Variants in DYNC2H1 observed in about 807,000 individuals in gnomAD.
DYNC2H1 encodes dynein cytoplasmic 2 heavy chain 1.
DYNC2H1 carries 410 observed loss-of-function variants against 570.0 expected under a neutral mutation model. The ratio of observed to expected loss-of-function variants is 0.72; its 90% CI spans 0.66 to 0.78. DYNC2H1 has a LOEUF of 0.78. Among genes scored for constraint, DYNC2H1 ranks in the 30% least tolerant of loss-of-function variants. DYNC2H1 has a pLI of 0.00. For missense variants in DYNC2H1, 4,865 were observed against 5,046.4 expected (o/e 0.96, Z 1.09); for synonymous variants, 1,688 against 1,677.6 (o/e 1.01, Z -0.15).
At chr11:103,429,572 TTGTC>T (rs1173700698) in intron 84 of DYNC2H1, among the ~76,000 whole-genome samples, 18 of 152,212 alleles carry the variant, frequency 1.2e-4, no homozygotes, top group Admixed American at 2.6e-4. Flanking sequence ...AAATTACTCA[TTGTC>T]TGTGTTGTAC....
At chr11:103,405,743 C>T (rs567956415) in intron 84 of DYNC2H1, 52 of 152,046 alleles carry the variant, frequency 3.4e-4, no homozygotes, top group African/African-American at 1.1e-3. Context: ...AGGCTTAAGG[C>T]GGTGCCCCCT....
In DYNC2H1 at chr11:103,198,715, G is replaced by A. The variant is rs147678725; in HGVS notation, c.7840-513G>A. On this transcript the variant is annotated intron_variant, in intron 48 of 88. Transcript: ENST00000375735. ...TGAAGCGTTGAAAGTTGTTAAATAT[G>A]TAAAGTCTAATTTTCCTTTCTCCCT... Among the ~76,000 whole-genome samples the A allele has an allele frequency of 4.5e-3, 687 of 152,248 alleles. 6 individuals carry two copies. Among genetic ancestry groups the A allele is most frequent in the Middle Eastern group, 0.017 (5 of 294 alleles).
chr11:103,300,047 T>C (rs1045098809), intron 75 of DYNC2H1, among the ~76,000 whole-genome samples: 2 of 152,070 alleles, frequency 1.3e-5, no homozygotes, highest in African/African-American at 4.8e-5. Context: ...TTTATACATC[T>C]GATACTTATC....
At chr11:103,272,342 G>A (rs61898181) in intron 70 of DYNC2H1, among the ~76,000 whole-genome samples, 18 of 152,000 alleles carry the variant, frequency 1.2e-4, no homozygotes, top group Non-Finnish European at 2.4e-4. Flanking sequence ...CAAACACTGC[G>A]TGTTCTCACT....
intron 6 of DYNC2H1, 125 bp downstream of exon 6, chr11:103,117,988 G>A: frequency 1.3e-6 from 1 of 758,624 alleles, no homozygotes; most frequent in Non-Finnish European, 1.9e-6. Context: ...GAGAGAATAG[G>A]AATTAAAGTT....
rs964334183 is a variant in DYNC2H1 at position 103,239,292 on chromosome 11, GAATAT to G, written c.9819+2756_9819+2760del. ...GCAAACTAATGTGATACTAGTCTAA[GAATAT>G]AAAATTATAATGGTAAATTTACAAC... is the stretch of plus-strand genomic sequence containing the variant. On this transcript the variant is annotated intron_variant, in intron 63 of 88. Coordinates refer to ENST00000375735, the MANE Select transcript of DYNC2H1 (RefSeq NM_001377.3). The surrounding 1 kb of genome is among the most constrained non-coding windows in gnomAD (Gnocchi z 4.3). Among the ~76,000 whole-genome samples the G allele has an allele frequency of 2.5e-4, 38 of 152,074 alleles. No homozygotes were observed. Among genetic ancestry groups the G allele is most frequent in the Non-Finnish European group, 4.7e-4 (32 of 67,982 alleles).
chr11:103,153,988 G>A (rs1033347320), intron 22 of DYNC2H1, among the ~76,000 whole-genome samples: 2 of 151,830 alleles, frequency 1.3e-5, no homozygotes, highest in African/African-American at 4.8e-5. Flanking sequence ...AATGAGTGGA[G>A]TGAGTCAATT....
Position 103,245,883 on chromosome 11 carries a change from A to G in DYNC2H1, c.10042+509A>G, listed in dbSNP as rs1460004207. ...ATTAGAAGGCTATGCCTTGAAACTTAAAGAGCATATCATGCAAAGTGTATA... is the reference window on the plus strand; with the variant it reads ...ATTAGAAGGCTATGCCTTGAAACTTGAAGAGCATATCATGCAAAGTGTATA... On this transcript the variant is annotated intron_variant, in intron 65 of 88. Transcript: ENST00000375735. The surrounding 1 kb of genome is among the most constrained non-coding windows in gnomAD (Gnocchi z 4.5). Among the ~76,000 whole-genome samples, 1 of 152,126 alleles carries G rather than the reference A, an allele frequency of 6.6e-6. No homozygotes were observed. The highest frequency in any genetic ancestry group is 2.4e-5 in the African/African-American group (1 of 41,452).
chr11:103,125,480 A>C (rs1356452646), intron 12 of DYNC2H1, among the ~76,000 whole-genome samples, 185 bp downstream of exon 12: 2 of 151,830 alleles, frequency 1.3e-5, no homozygotes, highest in African/African-American at 4.8e-5. Flanking sequence ...AATTTATTAA[A>C]TTATTATTGT....
At chr11:103,236,848 T>G (rs985976000) in intron 63 of DYNC2H1, among the ~76,000 whole-genome samples, 2 of 151,976 alleles carry the variant, frequency 1.3e-5, no homozygotes, top group East Asian at 3.8e-4. Flanking sequence ...AGTTTCTTCA[T>G]GAGTACAGAC....
intron 75 of DYNC2H1, among the ~76,000 whole-genome samples, chr11:103,296,674 TTTCTTC>T: frequency 6.6e-6 from 1 of 152,284 alleles, no homozygotes; most frequent in Non-Finnish European, 1.5e-5. Flanking sequence ...CATTTGCTGT[TTTCTTC>T]TTCATTTCTG....
chr11:103,277,331 G>C lies in DYNC2H1; in HGVS notation c.10696-3017G>C, dbSNP rs1277312800. On this transcript the variant is annotated intron_variant, in intron 70 of 88. Transcript: ENST00000375735. This position sits in a 1 kb window ranked among gnomAD's most constrained non-coding sequence, Gnocchi z 4.3. ...ATTTTAATGTGGGTAATTTCCTTCG[G>C]TTTTTCTTTCATTTTACTTATATTT... Among the ~76,000 whole-genome samples the C allele has an allele frequency of 6.6e-6, 1 of 151,656 alleles. No individual in the cohort carries two copies. Among genetic ancestry groups the C allele is most frequent in the African/African-American group, 2.4e-5 (1 of 41,274 alleles).
intron 50 of DYNC2H1, 139 bp downstream of exon 50, chr11:103,200,293 G>A: frequency 1.7e-6 from 1 of 591,540 alleles, no homozygotes; most frequent in Non-Finnish European, 2.9e-6. Flanking sequence ...TGTTAAACAT[G>A]CTCATGGCAG....
rs934330079 is a variant in DYNC2H1 at position 103,157,247 on chromosome 11, G to A, written c.4127+477G>A. 2.0e-5 allele frequency among the ~76,000 whole-genome samples: 3 copies of A among 152,082 alleles called. No individual in the cohort carries two copies. Among genetic ancestry groups the A allele is most frequent in the Non-Finnish European group, 2.9e-5 (2 of 67,988 alleles). On this transcript the variant is annotated intron_variant, in intron 26 of 88. Transcript: ENST00000375735. The surrounding 1 kb of genome is among the most constrained non-coding windows in gnomAD (Gnocchi z 4.2). ...AGTCATTCTCCAGGCCTCAGCCTTC[G>A]ATTTTTTTCTCACTGTATTCTCAGG...
intron 25 of DYNC2H1, 80 bp downstream of exon 25, chr11:103,155,581 A>G: frequency 9.5e-6 from 13 of 1,373,598 alleles, no homozygotes; most frequent in Non-Finnish European, 1.2e-5. Flanking sequence ...GTTTAAATAC[A>G]AAAAAAGTCT....
At chr11:103,298,384 T>A (rs896965175) in intron 75 of DYNC2H1, among the ~76,000 whole-genome samples, 2 of 152,138 alleles carry the variant, frequency 1.3e-5, no homozygotes, top group Non-Finnish European at 2.9e-5. Flanking sequence ...TTGTGCCACA[T>A]GGCACATAAC....
At chr11:103,449,687 A>C (rs930604939) in intron 85 of DYNC2H1, among the ~76,000 whole-genome samples, 1 of 130,370 alleles carries the variant, frequency 7.7e-6, no homozygotes, top group Non-Finnish European at 1.6e-5. Flanking sequence ...ATTCTTAATT[A>C]GAATATTGTT....
At chr11:103,340,111 A>G (rs1030762084) in intron 82 of DYNC2H1, among the ~76,000 whole-genome samples, 2 of 152,124 alleles carry the variant, frequency 1.3e-5, no homozygotes, top group African/African-American at 4.8e-5. Flanking sequence ...CTTTGTTATT[A>G]TGTTAAAGTT....
chr11:103,117,775 A>G lies in DYNC2H1; in HGVS notation c.911A>G (p.Gln304Arg). 6.2e-7 allele frequency: 1 copy of G among 1,613,436 alleles called. No individual in the cohort carries two copies. The highest frequency in any genetic ancestry group is 1.1e-5 in the South Asian group (1 of 91,032). The change falls in exon 6 of 89, where the codon CAG (glutamine) becomes CGG (arginine). Residue 304 changes from glutamine (Q) to arginine (R), a missense_variant. Physicochemically the swap from Gln to Arg is conservative, Grantham distance 43. This residue lies in a region of DYNC2H1 where 1,936 missense variants were observed against 1,962.1 expected (regional missense o/e 0.99). Coordinates refer to ENST00000375735, the MANE Select transcript of DYNC2H1 (RefSeq NM_001377.3). Reference protein sequence around the residue: ...WVIVCNHLTGQVWQRYVPHPW... With the variant: ...WVIVCNHLTGRVWQRYVPHPW... ...ATAGTCTGTAATCATCTAACAGGTC[A>G]GGTGTGGCAGCGCTATGTTCCTCAT...
Sources: allele counts gnomAD v4.1 joint callset (sites outside exome capture counted in the v4.1 genomes callset), GRCh38; gene constraint gnomAD v4.1.1; regional missense constraint gnomAD v4.1.1; non-coding constraint Gnocchi (gnomAD v3.1); transcripts MANE v1.5; gene names NCBI Gene and HGNC (gene_info 2026-07-23, HGNC 2026-07-21).